The following RNGTT variants were observed in gnomAD, a reference collection of about 807,000 sequenced individuals.
RNGTT encodes RNA guanylyltransferase and 5'-phosphatase.
In RNGTT, 33 loss-of-function variants were observed where a neutral mutation model predicts 79.3. The observed-to-expected ratio is 0.42, with a 90% CI of 0.32 to 0.56. The LOEUF (loss-of-function observed/expected upper bound fraction) is 0.56, where lower values mean the gene tolerates loss of function less well. Ranked by LOEUF, RNGTT falls within the 20% of genes least tolerant of loss-of-function variation. The pLI is 0.17. For missense variants in RNGTT, 497 were observed against 739.1 expected (o/e 0.67, Z 3.80); for synonymous variants, 222 against 235.9 (o/e 0.94, Z 0.54).
chr6:88,818,043 G>A (rs1392300858), intron 11 of RNGTT, among the ~76,000 whole-genome samples: 1 of 151,758 alleles, frequency 6.6e-6, no homozygotes, highest in African/African-American at 2.4e-5. Flanking sequence ...ACAGGCGTGA[G>A]CCACCGCGCC....
intron 14 of RNGTT, among the ~76,000 whole-genome samples, chr6:88,677,053 G>A (rs534002638): frequency 6.6e-6 from 1 of 151,856 alleles, no homozygotes; most frequent in African/African-American, 2.4e-5. Flanking sequence ...TACTACTAAT[G>A]GCAAAAAAAC....
chr6:88,724,371 G>A (rs1380242422), intron 13 of RNGTT, among the ~76,000 whole-genome samples: 3 of 152,154 alleles, frequency 2.0e-5, no homozygotes, highest in African/African-American at 4.8e-5. Context: ...GTTATAATAT[G>A]TAAATACAAT....
At chr6:88,692,454 A>C (rs1775516548) in intron 13 of RNGTT, among the ~76,000 whole-genome samples, 1 of 143,568 alleles carries the variant, frequency 7.0e-6, no homozygotes, top group African/African-American at 2.5e-5. Context: ...AATACTCAGC[A>C]AAAAAAAAAA....
intron 11 of RNGTT, among the ~76,000 whole-genome samples, chr6:88,810,346 T>C (rs1167743849): frequency 6.6e-6 from 1 of 152,154 alleles, no homozygotes; most frequent in East Asian, 1.9e-4. Flanking sequence ...ATCAAAGCAG[T>C]ATGTCCAAAT....
At chr6:88,679,450 T>C (rs1378187916) in intron 13 of RNGTT, among the ~76,000 whole-genome samples, 1 of 152,196 alleles carries the variant, frequency 6.6e-6, no homozygotes, top group African/African-American at 2.4e-5. Context: ...AGTTTCAAAT[T>C]AACCATGAAG....
At chr6:88,725,806 C>T (rs1025184005) in intron 13 of RNGTT, among the ~76,000 whole-genome samples, 4 of 152,088 alleles carry the variant, frequency 2.6e-5, no homozygotes, top group African/African-American at 7.2e-5. Context: ...TCCAGCCAGT[C>T]CCTCCCCTAG....
At chr6:88,724,451 G>A (rs1034006580) in intron 13 of RNGTT, among the ~76,000 whole-genome samples, 19 of 152,106 alleles carry the variant, frequency 1.2e-4, no homozygotes, top group Non-Finnish European at 8.8e-5. Context: ...GGAGCAATCC[G>A]CTATGCCATA....
At chr6:88,762,166 C>A (rs1036740876) in intron 13 of RNGTT, among the ~76,000 whole-genome samples, 4 of 152,088 alleles carry the variant, frequency 2.6e-5, no homozygotes, top group Non-Finnish European at 4.4e-5. Flanking sequence ...CTAAGTGTGA[C>A]GGTATGTCCA....
intron 10 of RNGTT, among the ~76,000 whole-genome samples, chr6:88,847,314 T>C (rs1270792199): frequency 6.6e-6 from 1 of 152,102 alleles, no homozygotes; most frequent in African/African-American, 2.4e-5. Context: ...CCAGTACATA[T>C]GTACTTGACA....
intron 1 of RNGTT, among the ~76,000 whole-genome samples, chr6:88,943,183 C>T (rs1000049241): frequency 1.3e-5 from 2 of 152,174 alleles, no homozygotes; most frequent in African/African-American, 2.4e-5. Flanking sequence ...TATCAACTGC[C>T]TACTGAACCT....
chr6:88,651,335 C>T (rs1292164936), intron 14 of RNGTT, among the ~76,000 whole-genome samples: 1 of 152,010 alleles, frequency 6.6e-6, no homozygotes, highest in African/African-American at 2.4e-5. Context: ...AGAAAAATAA[C>T]TCTGCATACA....
intron 2 of RNGTT, among the ~76,000 whole-genome samples, chr6:88,937,403 T>G (rs1784701150): frequency 6.6e-6 from 1 of 152,292 alleles, no homozygotes; most frequent in Non-Finnish European, 1.5e-5. Flanking sequence ...AACTGTAATA[T>G]TCTCTTTCTC....
chr6:88,635,049 GA>G lies in RNGTT; in HGVS notation c.1507-20655del, dbSNP rs566489590. Among the ~76,000 whole-genome samples the G allele has an allele frequency of 1.5e-3, 230 of 152,122 alleles. 2 individuals carry two copies. The highest frequency in any genetic ancestry group is 5.2e-3 in the African/African-American group (216 of 41,550). On this transcript the variant is annotated intron_variant, in intron 14 of 15. Transcript: ENST00000369485. ...TGGATGGAGAATTGAGGTTACATTT[GA>G]GTAGTGGTTTGCTAGGCTCACTCCT...
At chr6:88,658,837 T>C (rs1562176418) in intron 14 of RNGTT, among the ~76,000 whole-genome samples, 1 of 152,234 alleles carries the variant, frequency 6.6e-6, no homozygotes, top group African/African-American at 2.4e-5. Context: ...TCCCAGATTC[T>C]TCAGCTTTTA....
chr6:88,650,293 C>T (rs1199706673), intron 14 of RNGTT, among the ~76,000 whole-genome samples: 1 of 152,118 alleles, frequency 6.6e-6, no homozygotes, highest in Non-Finnish European at 1.5e-5. Context: ...CTATAACCAC[C>T]CTGGGAACCT....
intron 12 of RNGTT, among the ~76,000 whole-genome samples, chr6:88,799,036 G>T (rs893494549): frequency 6.6e-6 from 1 of 151,916 alleles, no homozygotes; most frequent in South Asian, 2.1e-4. Flanking sequence ...ATGTGGCAGT[G>T]TACTAGAAGT....
chr6:88,680,261 T>C (rs1043993985), intron 13 of RNGTT, among the ~76,000 whole-genome samples: 1 of 152,164 alleles, frequency 6.6e-6, no homozygotes, highest in African/African-American at 2.4e-5. Context: ...TTCTCTGAAA[T>C]TGAAATGTCT....
intron 13 of RNGTT, among the ~76,000 whole-genome samples, chr6:88,682,407 A>G (rs1026958183): frequency 6.6e-6 from 1 of 152,184 alleles, no homozygotes; most frequent in Non-Finnish European, 1.5e-5. Context: ...TACATCTACT[A>G]TTAGAAAACA....
chr6:88,747,595 C>T (rs1186936306), intron 13 of RNGTT, among the ~76,000 whole-genome samples: 1 of 152,124 alleles, frequency 6.6e-6, no homozygotes, highest in Non-Finnish European at 1.5e-5. Context: ...GCCTGTATCC[C>T]CGTGTTTGAT....
Sources: gnomAD v4.1 joint callset for allele counts (sites outside exome capture counted in the v4.1 genomes callset) on GRCh38, gnomAD v4.1.1 for gene constraint, MANE v1.5 for transcripts, NCBI Gene and HGNC (gene_info 2026-07-23, HGNC 2026-07-21) for gene names.